RAB3GAP1: variants seen among roughly 807,000 people sequenced by gnomAD.
The protein encoded by RAB3GAP1 is RAB3 GTPase activating protein catalytic subunit 1.
A neutral mutation model predicts 130.7 loss-of-function variants in RAB3GAP1; 86 were observed. That is an observed-to-expected ratio of 0.66 (90% CI 0.55 to 0.79). The LOEUF (loss-of-function observed/expected upper bound fraction) is 0.79, where lower values mean the gene tolerates loss of function less well. RAB3GAP1 is among the 30% of genes least tolerant of loss of function. The probability of loss-of-function intolerance (pLI) is 0.00; values close to 1 mark genes in which losing one functional copy is unlikely to be tolerated. For missense variants in RAB3GAP1, 1,029 were observed against 1,169.4 expected (o/e 0.88, Z 1.75); for synonymous variants, 367 against 401.7 (o/e 0.91, Z 1.03).
At chr2:135,148,116 T>C (rs1692054147) in intron 17 of RAB3GAP1, among the ~76,000 whole-genome samples, 1 of 152,218 alleles carries the variant, frequency 6.6e-6, no homozygotes, top group Non-Finnish European at 1.5e-5. Context: ...TGCCTTTAGG[T>C]AAATCTAGGC....
chr2:135,126,907 C>T (rs1013572680), intron 11 of RAB3GAP1, among the ~76,000 whole-genome samples: 2 of 151,808 alleles, frequency 1.3e-5, no homozygotes, highest in East Asian at 1.9e-4. Flanking sequence ...TTTTTTGAGA[C>T]GGAGTCTCTG....
chr2:135,138,281 CAAAAAAAAAA>C (rs755492320), intron 17 of RAB3GAP1, among the ~76,000 whole-genome samples: 1 of 107,506 alleles, frequency 9.3e-6, no homozygotes, highest in Non-Finnish European at 2.1e-5. Context: ...CTATTTCTAC[CAAAAAAAAAA>C]AAAAAAAAAT....
intron 3 of RAB3GAP1, among the ~76,000 whole-genome samples, chr2:135,086,022 C>T (rs1689964337): frequency 6.6e-6 from 1 of 152,158 alleles, no homozygotes; most frequent in Non-Finnish European, 1.5e-5. Context: ...ACAGTATGCA[C>T]TCTTCGTATC....
chr2:135,079,977 C>T (rs1017829346), intron 3 of RAB3GAP1, among the ~76,000 whole-genome samples: 1 of 152,112 alleles, frequency 6.6e-6, no homozygotes, highest in East Asian at 1.9e-4. Flanking sequence ...ATTAGCCGGG[C>T]GCAGTGGCGG....
At chr2:135,117,570 G>GCTT (rs1289347100) in intron 7 of RAB3GAP1, among the ~76,000 whole-genome samples, 13 of 20,902 alleles carry the variant, frequency 6.2e-4, no homozygotes, top group East Asian at 1.2e-3. Flanking sequence ...TTCTTCTTCT[G>GCTT]CTTCTTCTTC....
intron 23 of RAB3GAP1, 23 bp downstream of exon 23, chr2:135,164,719 T>TC (rs1170721646): frequency 1.3e-6 from 2 of 1,545,762 alleles, no homozygotes; most frequent in African/African-American, 2.7e-5. Context: ...CATTATTGAC[T>TC]CCATCATAAT....
intron 11 of RAB3GAP1, among the ~76,000 whole-genome samples, chr2:135,127,658 T>C (rs1263670850): frequency 2.6e-5 from 4 of 152,118 alleles, no homozygotes; most frequent in African/African-American, 4.8e-5. Context: ...GCACTGTTTT[T>C]GACGGTGCGC....
chr2:135,064,642 AT>A (rs925563174), intron 3 of RAB3GAP1, among the ~76,000 whole-genome samples: 2 of 148,536 alleles, frequency 1.3e-5, no homozygotes, highest in African/African-American at 4.9e-5. Context: ...AGCTAGTCTA[AT>A]GCCAGTTGCA....
At chr2:135,126,716 A>G (rs1297818496) in intron 11 of RAB3GAP1, 60 bp downstream of exon 11, 22 of 1,359,012 alleles carry the variant, frequency 1.6e-5, no homozygotes, top group Non-Finnish European at 2.2e-5. Context: ...TCCAAATCGG[A>G]GACACTGCAT....
chr2:135,066,790 A>T (rs185707029), intron 3 of RAB3GAP1, among the ~76,000 whole-genome samples: 1 of 152,284 alleles, frequency 6.6e-6, no homozygotes, highest in Non-Finnish European at 1.5e-5. Flanking sequence ...TAATTTTATG[A>T]TTCTATTTAG....
chr2:135,168,951 C>T lies in RAB3GAP1; in HGVS notation c.*170C>T, dbSNP rs180839370. The T allele has an allele frequency of 5.6e-4, 295 of 522,808 alleles. 2 individuals carry two copies. In the East Asian group the frequency reaches 0.013, roughly 22 times the overall value. The allele number at this position is 522,808 out of a possible 1,614,324, so 32.4% of individuals were successfully genotyped here. On this transcript the variant is annotated 3_prime_UTR_variant, in exon 24 of 24. Transcript: ENST00000264158. ...TCCCAGCACCAAGCTTGAGCTGTGT[C>T]GTTTCGTGGAGGGGGCAGCGAGGAT...
At chr2:135,113,390 T>A (rs1159300401) in intron 6 of RAB3GAP1, 120 bp downstream of exon 6, 3 of 1,320,228 alleles carry the variant, frequency 2.3e-6, no homozygotes, top group Non-Finnish European at 1.1e-6. Context: ...GCATATATAT[T>A]GTTAAACTAA....
At chr2:135,106,131 C>G (rs1381670573) in intron 5 of RAB3GAP1, among the ~76,000 whole-genome samples, 2 of 150,536 alleles carry the variant, frequency 1.3e-5, no homozygotes, top group Non-Finnish European at 3.0e-5. Context: ...CCGCCCCGTC[C>G]AGGAGGTGGG....
chr2:135,104,262 T>C (rs1690529567), intron 5 of RAB3GAP1, among the ~76,000 whole-genome samples: 1 of 152,038 alleles, frequency 6.6e-6, no homozygotes, highest in African/African-American at 2.4e-5. Context: ...TACAAACAAA[T>C]TGAAAAAGCT....
At chr2:135,129,462 A>T (rs997459511) in intron 11 of RAB3GAP1, among the ~76,000 whole-genome samples, 5 of 151,670 alleles carry the variant, frequency 3.3e-5, no homozygotes, top group South Asian at 2.1e-4. Flanking sequence ...AAAAAAAAAA[A>T]AATAAAATAA....
At chr2:135,143,280 T>G (rs1691897445) in intron 17 of RAB3GAP1, among the ~76,000 whole-genome samples, 1 of 152,036 alleles carries the variant, frequency 6.6e-6, no homozygotes, top group Non-Finnish European at 1.5e-5. Context: ...GAATCTATAA[T>G]GATATTGCAG....
chr2:135,087,233 A>G (rs1265254076), intron 3 of RAB3GAP1, among the ~76,000 whole-genome samples: 1 of 152,198 alleles, frequency 6.6e-6, no homozygotes, highest in East Asian at 1.9e-4. Flanking sequence ...TGTAAGTGCG[A>G]ATGTTATTTC....
At chr2:135,064,884 A>G (rs549783527) in intron 3 of RAB3GAP1, among the ~76,000 whole-genome samples, 1 of 151,054 alleles carries the variant, frequency 6.6e-6, no homozygotes. Context: ...CATAAAATTT[A>G]TAACATTTAT....
chr2:135,065,273 A>G (rs1019228030), intron 3 of RAB3GAP1, among the ~76,000 whole-genome samples: 2 of 152,298 alleles, frequency 1.3e-5, no homozygotes, highest in African/African-American at 4.8e-5. Flanking sequence ...AGCAATTCTC[A>G]GTGTGTGATC....
Sources: gnomAD v4.1 joint callset for allele counts (sites outside exome capture counted in the v4.1 genomes callset) on GRCh38, gnomAD v4.1.1 for gene constraint, MANE v1.5 for transcripts, NCBI Gene and HGNC (gene_info 2026-07-23, HGNC 2026-07-21) for gene names.